DST: variants seen among roughly 807,000 people sequenced by gnomAD.
DST encodes bullous pemphigoid antigen.
DST carries 253 observed loss-of-function variants against 875.2 expected under a neutral mutation model. That is an observed-to-expected ratio of 0.29 (90% CI 0.26 to 0.32). DST has a LOEUF of 0.32. Among genes scored for constraint, DST ranks in the 10% least tolerant of loss-of-function variants. The pLI is 1.00. For missense variants in DST, 8,287 were observed against 9,111.6 expected, an observed-to-expected ratio of 0.91 and a Z score of 3.68; for synonymous variants, 3,124 against 3,197.1, an observed-to-expected ratio of 0.98 and a Z score of 0.77.
At chr6:56,481,156 TTAACA>T (rs1338682270) in intron 90 of DST, among the ~76,000 whole-genome samples, 4 of 152,216 alleles carry the variant, frequency 2.6e-5, no homozygotes, top group African/African-American at 9.6e-5. Context: ...AGGGTGTTAA[TTAACA>T]TAACAAGTCT....
chr6:56,565,222 G>A (rs2097649897), intron 55 of DST, among the ~76,000 whole-genome samples: 1 of 149,232 alleles, frequency 6.7e-6, no homozygotes, highest in East Asian at 2.0e-4. Context: ...CTGGGTTCAC[G>A]CCATTCTCCC....
At position 56,482,944 on chromosome 6, in the gene DST, G is replaced by C. The variant is rs115939582; in HGVS notation, c.21208-67C>G. On this transcript the variant is annotated intron_variant, in intron 88 of 103. Coordinates refer to ENST00000680361, the MANE Select transcript of DST (RefSeq NM_001374736.1). Reference sequence around the variant, plus strand: ...ACCAAAACAGCAACACATACTGTTTGAGATATATATGTGCACATAACATCA... The same window carrying C: ...ACCAAAACAGCAACACATACTGTTTCAGATATATATGTGCACATAACATCA... 5,778 of 1,218,260 alleles carry C rather than the reference G, an allele frequency of 4.7e-3. 18 individuals are homozygous for C. Among genetic ancestry groups the C allele is most frequent in the Non-Finnish European group, 5.7e-3 (5,104 of 896,518 alleles). The allele number at this position is 1,218,260 out of a possible 1,614,324, so 75.5% of individuals were successfully genotyped here.
chr6:56,687,296 A>T (rs952085057), intron 9 of DST, among the ~76,000 whole-genome samples: 1 of 152,212 alleles, frequency 6.6e-6, no homozygotes, highest in African/African-American at 2.4e-5. Context: ...GAAAGCAGCA[A>T]GTCAAAAAGG....
At chr6:56,780,749 T>C (rs2099691794) in intron 4 of DST, among the ~76,000 whole-genome samples, 1 of 150,736 alleles carries the variant, frequency 6.6e-6, no homozygotes, top group Admixed American at 6.6e-5. Flanking sequence ...CATTTGTCAA[T>C]TTTGGCTTTT....
intron 4 of DST, among the ~76,000 whole-genome samples, chr6:56,802,619 G>T (rs1160896871): frequency 6.6e-6 from 1 of 152,114 alleles, no homozygotes; most frequent in Non-Finnish European, 1.5e-5. Flanking sequence ...ATGAGCTCAT[G>T]GGAACGTACT....
intron 82 of DST, among the ~76,000 whole-genome samples, chr6:56,495,665 G>A (rs947105012): frequency 1.3e-5 from 2 of 151,820 alleles, no homozygotes; most frequent in Non-Finnish European, 2.9e-5. Flanking sequence ...GCACTTACAA[G>A]TTTAGTCTAT....
At position 56,601,520 on chromosome 6, in the gene DST, C is replaced by A. The variant is rs531343801; in HGVS notation, c.11464G>T (p.Val3822Leu). 3.1e-5 allele frequency: 50 copies of A among 1,606,336 alleles called. 3 individuals are homozygous for A. The South Asian group carries it at 5.6e-4, about 18-fold the overall frequency. The change falls in exon 44 of 104, where the codon GTA becomes TTA. Residue 3822 changes from valine to leucine, a missense_variant. By Grantham distance (32) the Val-to-Leu change is conservative. This residue lies in a region of DST where 3,138 missense variants were observed against 3,116.6 expected (regional missense o/e 1.01). Coordinates refer to ENST00000680361, the MANE Select transcript of DST (RefSeq NM_001374736.1). The part of the protein sequence containing the change: ...LNTTQKCFLD[V>L]QESVTTQVER... ...ACCTGGGTAGTTACTGACTCCTGTA[C>A]ATCAAGAAAACACTTCTGAGTTGTA...
chr6:56,911,173 A>G (rs1401737099), intron 2 of DST, among the ~76,000 whole-genome samples: 4 of 152,212 alleles, frequency 2.6e-5, no homozygotes, highest in Non-Finnish European at 5.9e-5. Context: ...TGGGCTGCTT[A>G]GCATAGAGGC....
intron 30 of DST, 91 bp from the exon 31 acceptor site, chr6:56,630,474 AAC>A: frequency 1.8e-6 from 2 of 1,125,852 alleles, no homozygotes; most frequent in Non-Finnish European, 2.6e-6. Flanking sequence ...CACATGACAT[AAC>A]ATGTTCTTCA....
intron 36 of DST, among the ~76,000 whole-genome samples, chr6:56,622,720 T>C (rs1477651230): frequency 6.6e-6 from 1 of 152,184 alleles, no homozygotes; most frequent in African/African-American, 2.4e-5. Flanking sequence ...TTCCTTAACT[T>C]TTCTCTAAAT....
In DST at chr6:56,610,464, T is replaced by G; in HGVS notation, c.5246A>C (p.Glu1749Ala). The G allele has an allele frequency of 6.4e-7, 1 of 1,568,206 alleles. No homozygotes were observed. The highest frequency in any genetic ancestry group is 8.7e-7 in the Non-Finnish European group (1 of 1,154,844). Residue 1749 changes from glutamate to alanine, a missense_variant, in exon 39 of 104, where the codon GAA becomes GCA. Transcript: ENST00000680361. ...LFSESLKQLQESQTSGDVKVE... is the reference protein window; with the variant it reads ...LFSESLKQLQASQTSGDVKVE... ...CTTTACATCTCCTGAGGTTTGTGAT[T>G]CTTGTAGCTGTTTCAGAGATTCACT...
intron 3 of DST, among the ~76,000 whole-genome samples, chr6:56,870,301 C>A (rs952508756): frequency 1.3e-5 from 2 of 151,904 alleles, no homozygotes; most frequent in Non-Finnish European, 2.9e-5. Context: ...CATCTATCGC[C>A]TGAGAGCACA....
At position 56,583,470 on chromosome 6, in the gene DST, G is replaced by C. The variant is rs2098071929; in HGVS notation, c.12904-4533C>G. Among the ~76,000 whole-genome samples, 3 of 152,060 alleles carry C rather than the reference G, an allele frequency of 2.0e-5. No individual in the cohort carries two copies. In the South Asian group the frequency reaches 6.2e-4, roughly 32 times the overall value. ...TTGTTTTTTTCCCGTAAATTTGTTGGAGTTCATTGTAGATTCTGGATATTA... is the reference window on the plus strand; with the variant it reads ...TTGTTTTTTTCCCGTAAATTTGTTGCAGTTCATTGTAGATTCTGGATATTA... On this transcript the variant is annotated intron_variant, in intron 49 of 103. Transcript: ENST00000680361.
At chr6:56,709,154 C>T (rs1004100562) in intron 5 of DST, among the ~76,000 whole-genome samples, 5 of 152,108 alleles carry the variant, frequency 3.3e-5, no homozygotes, top group African/African-American at 1.2e-4. Flanking sequence ...TTTTGCAGTA[C>T]TTCAAAAAAA....
At chr6:56,855,580 T>A (rs1353464639) in intron 3 of DST, among the ~76,000 whole-genome samples, 1 of 152,218 alleles carries the variant, frequency 6.6e-6, no homozygotes, top group Non-Finnish European at 1.5e-5. Context: ...ACCCACTGAG[T>A]ACCTTCATAC....
At position 56,604,493 on chromosome 6, in the gene DST, A is replaced by G; in HGVS notation, c.10135T>C (p.Cys3379Arg). The change falls in exon 40 of 104, where the codon TGT becomes CGT. Residue 3379 changes from cysteine to arginine, a missense_variant. Cys to Arg is a radical substitution (Grantham distance 180). Around this residue, in one of 10 missense-constraint regions of DST, gnomAD observed 3,138 missense variants for 3,116.6 expected, o/e 1.01. Coordinates refer to ENST00000680361, the MANE Select transcript of DST (RefSeq NM_001374736.1). ...TGAATTAAAATTTTAGTGTCTGCAC[A>G]GGCTGAAGGTTCTTCAACCTCTTGA... ...NPQEVEEPSA[C>R]ADTKILIQNL... The G allele has an allele frequency of 1.2e-6, 2 of 1,612,534 alleles. No individual in the cohort carries two copies. Among genetic ancestry groups the G allele is most frequent in the Non-Finnish European group, 1.7e-6 (2 of 1,179,102 alleles).
intron 49 of DST, among the ~76,000 whole-genome samples, chr6:56,580,156 C>G (rs566174886): frequency 1.6e-4 from 25 of 152,294 alleles, no homozygotes; most frequent in African/African-American, 5.3e-4. Flanking sequence ...AAATTTTAAA[C>G]AATTAAAAAT....
chr6:56,847,459 TA>T (rs1283158811), intron 4 of DST, among the ~76,000 whole-genome samples: 2 of 152,238 alleles, frequency 1.3e-5, no homozygotes, highest in South Asian at 4.1e-4. Context: ...CCCTAGCACT[TA>T]CAACATAAAT....
chr6:56,466,052 T>G (rs1255296764), intron 99 of DST, 26 bp downstream of exon 99: 1 of 1,531,470 alleles, frequency 6.5e-7, no homozygotes, highest in South Asian at 1.2e-5. Context: ...ACTTTCATGA[T>G]GTTATCATGA....
Sources: allele counts gnomAD v4.1 joint callset (sites outside exome capture counted in the v4.1 genomes callset), GRCh38; gene constraint gnomAD v4.1.1; regional missense constraint gnomAD v4.1.1; transcripts MANE v1.5; gene names NCBI Gene and HGNC (gene_info 2026-07-23, HGNC 2026-07-21).